MED12L: variants seen among roughly 807,000 people sequenced by gnomAD.
The protein encoded by MED12L is mediator of RNA polymerase II transcription subunit 12-like protein.
In MED12L, 60 loss-of-function variants were observed where a neutral mutation model predicts 281.3. The observed-to-expected ratio is 0.21, with a 90% CI of 0.17 to 0.26. MED12L has a LOEUF of 0.26. MED12L is among the 10% of genes least tolerant of loss of function. The pLI, the probability that MED12L is intolerant of heterozygous loss-of-function variation, is 1.00. For missense variants in MED12L, 2,146 were observed against 2,680.9 expected, an observed-to-expected ratio of 0.80 and a Z score of 4.41; for synonymous variants, 974 against 987.2, an observed-to-expected ratio of 0.99 and a Z score of 0.25.
chr3:151,118,366 CTGAAA>C (rs1713199556), intron 3 of MED12L, among the ~76,000 whole-genome samples: 1 of 152,112 alleles, frequency 6.6e-6, no homozygotes, highest in South Asian at 2.1e-4. Flanking sequence ...AAACTATCAA[CTGAAA>C]TATTACTTAA....
intron 16 of MED12L, among the ~76,000 whole-genome samples, chr3:151,220,359 A>G (rs1405993987): frequency 1.3e-5 from 2 of 152,016 alleles, no homozygotes; most frequent in Non-Finnish European, 2.9e-5. Context: ...ATATTTCTGA[A>G]TTCTTTAAAC....
chr3:151,328,715 A>C, intron 16 of MED12L: 1 of 1,614,044 alleles, frequency 6.2e-7, no homozygotes, highest in Non-Finnish European at 8.5e-7. Flanking sequence ...ACGACACACA[A>C]AAGCTCTGAG....
rs1282339844 is a variant in MED12L at position 151,347,149 on chromosome 3, A to C, written c.2251-2910A>C. ...ACCACTAAAACTTAGTTCACCCTAC[A>C]AACTTTTTTACTCTAGCTTTGTCTC... is the stretch of plus-strand genomic sequence containing the variant. On this transcript the variant is annotated intron_variant, in intron 16 of 44. Coordinates refer to ENST00000687756, the MANE Select transcript of MED12L (RefSeq NM_001393769.1). Among the ~76,000 whole-genome samples the C allele has an allele frequency of 4.0e-5, 5 of 124,338 alleles. No individual in the cohort carries two copies. The East Asian group carries it at 1.0e-3, about 26-fold the overall frequency. The allele number at this position is 124,338 out of a possible 152,430, so 81.6% of individuals were successfully genotyped here.
intron 39 of MED12L, among the ~76,000 whole-genome samples, chr3:151,403,863 A>G (rs1295169169): frequency 6.6e-6 from 1 of 152,224 alleles, no homozygotes; most frequent in Non-Finnish European, 1.5e-5. Flanking sequence ...CATTTTCTCC[A>G]ATAGTTATTT....
intron 2 of MED12L, among the ~76,000 whole-genome samples, chr3:151,094,567 G>C (rs1044829344): frequency 1.3e-5 from 2 of 152,146 alleles, no homozygotes; most frequent in African/African-American, 2.4e-5. Context: ...CTGGGTGATG[G>C]TGACAAGGGA....
At chr3:151,242,590 A>G (rs1291813818) in intron 16 of MED12L, among the ~76,000 whole-genome samples, 4 of 152,108 alleles carry the variant, frequency 2.6e-5, no homozygotes, top group Admixed American at 6.5e-5. Context: ...CAAACAGAAA[A>G]CACATCCACA....
chr3:151,232,083 T>C (rs1731792181), intron 16 of MED12L, among the ~76,000 whole-genome samples: 3 of 152,210 alleles, frequency 2.0e-5, no homozygotes, highest in Admixed American at 2.0e-4. Flanking sequence ...AACAGTCTCC[T>C]GGGTGTCTCT....
chr3:151,295,237 C>T, intron 16 of MED12L: 1 of 1,522,470 alleles, frequency 6.6e-7, no homozygotes, highest in Non-Finnish European at 9.0e-7. Context: ...GGAGATAGGA[C>T]TTCAGTGCTT....
chr3:151,165,405 G>A lies in MED12L; in HGVS notation c.1258-15G>A, dbSNP rs745359728. 3 of 1,605,884 alleles carry A rather than the reference G, an allele frequency of 1.9e-6. No homozygotes were observed. The highest frequency in any genetic ancestry group is 2.6e-6 in the Non-Finnish European group (3 of 1,172,722). On this transcript the variant is annotated splice_polypyrimidine_tract_variant and intron_variant, in intron 9 of 44. Transcript: ENST00000687756. Reference sequence around the variant, plus strand: ...CATTCCAAGCACAAGTTAATTAGAAGCGATTATCTTTCAGGTTCGGGCAAG... The same window carrying A: ...CATTCCAAGCACAAGTTAATTAGAAACGATTATCTTTCAGGTTCGGGCAAG...
chr3:151,333,809 G>T (rs1750622575), intron 16 of MED12L, among the ~76,000 whole-genome samples: 1 of 152,128 alleles, frequency 6.6e-6, no homozygotes, highest in Non-Finnish European at 1.5e-5. Context: ...GCCAGGCATG[G>T]TGGCTCACAC....
intron 5 of MED12L, among the ~76,000 whole-genome samples, chr3:151,153,355 A>G (rs1718816015): frequency 6.6e-6 from 1 of 152,064 alleles, no homozygotes; most frequent in Non-Finnish European, 1.5e-5. Context: ...ATGATCATAA[A>G]CTTTCTAATA....
In MED12L at chr3:151,431,364, T is replaced by G. The variant is rs1026251529; in HGVS notation, c.6490+984T>G. On this transcript the variant is annotated intron_variant, in intron 44 of 44. Coordinates refer to ENST00000687756, the MANE Select transcript of MED12L (RefSeq NM_001393769.1). ...ACTGAGGGGCAGCTTGGTTTTAGTCTTAATTTTCTGCCTGGCTGCTGTGTG... is the reference window on the plus strand; with the variant it reads ...ACTGAGGGGCAGCTTGGTTTTAGTCGTAATTTTCTGCCTGGCTGCTGTGTG... Among the ~76,000 whole-genome samples the G allele has an allele frequency of 5.3e-5, 8 of 152,180 alleles. No homozygotes were observed. The South Asian group carries it at 6.2e-4, about 12-fold the overall frequency.
At chr3:151,151,541 G>A (rs1718516537) in intron 5 of MED12L, among the ~76,000 whole-genome samples, 1 of 138,502 alleles carries the variant, frequency 7.2e-6, no homozygotes, top group South Asian at 2.3e-4. Context: ...TCATTCATTG[G>A]CCTAATTTTA....
intron 16 of MED12L, chr3:151,213,083 G>T: frequency 2.8e-6 from 1 of 351,984 alleles, no homozygotes; most frequent in Admixed American, 4.3e-5. Flanking sequence ...TATTAATAGA[G>T]AATAGAAAGG....
rs1747243872 is a variant in MED12L at position 151,309,781 on chromosome 3, C to A, written c.2251-40278C>A. ...CAGGGTCTAGCAGAGTACCTGCGGG[C>A]ACAGAGTCAGAGTTCAAAAACACCT... On this transcript the variant is annotated intron_variant, in intron 16 of 44. Coordinates refer to ENST00000687756, the MANE Select transcript of MED12L (RefSeq NM_001393769.1). Among the ~76,000 whole-genome samples, 3 of 152,316 alleles carry A rather than the reference C, an allele frequency of 2.0e-5. No homozygotes were observed. The South Asian group carries it at 6.2e-4, about 32-fold the overall frequency.
At chr3:151,192,815 C>T (rs1399248112) in intron 15 of MED12L, among the ~76,000 whole-genome samples, 161 bp downstream of exon 15, 2 of 152,170 alleles carry the variant, frequency 1.3e-5, no homozygotes. Flanking sequence ...ACAATTGGGT[C>T]ATCCTCAGTT....
intron 5 of MED12L, among the ~76,000 whole-genome samples, chr3:151,137,294 C>T (rs2148845546): frequency 6.6e-6 from 1 of 152,088 alleles, no homozygotes; most frequent in Middle Eastern, 3.4e-3. Context: ...TTAAAATTGC[C>T]CCAAAATTGG....
chr3:151,203,945 T>C (rs1484854295), intron 16 of MED12L, among the ~76,000 whole-genome samples: 1 of 152,222 alleles, frequency 6.6e-6, no homozygotes, highest in African/African-American at 2.4e-5. Context: ...ATTGGAATAG[T>C]ATTTAGTAAT....
At chr3:151,099,214 A>G (rs867630633) in intron 2 of MED12L, among the ~76,000 whole-genome samples, 1 of 152,224 alleles carries the variant, frequency 6.6e-6, no homozygotes, top group Non-Finnish European at 1.5e-5. Context: ...GGCAGAATCA[A>G]TAAGGTGAAT....
Sources: allele counts gnomAD v4.1 joint callset (sites outside exome capture counted in the v4.1 genomes callset), GRCh38; gene constraint gnomAD v4.1.1; transcripts MANE v1.5; gene names NCBI Gene and HGNC (gene_info 2026-07-23, HGNC 2026-07-21).